Variants in EMCN observed in about 807,000 individuals in gnomAD.
EMCN encodes MUC-14.
In EMCN, 37 loss-of-function variants were observed where a neutral mutation model predicts 38.4. The ratio of observed to expected loss-of-function variants is 0.96; its 90% CI spans 0.74 to 1.27. The LOEUF is 1.27. Among genes scored for constraint, EMCN ranks in the 50% most tolerant of loss-of-function variants. The pLI, the probability that EMCN is intolerant of heterozygous loss-of-function variation, is 0.00. For missense variants in EMCN, 318 were observed against 302.8 expected, an observed-to-expected ratio of 1.05 and a Z score of -0.37; for synonymous variants, 95 against 100.8, an observed-to-expected ratio of 0.94 and a Z score of 0.35.
At chr4:100,474,005 T>C (rs72617736) in intron 3 of EMCN, 29,328 of 152,492 alleles carry the variant, frequency 0.19, 4,417 homozygotes, top group East Asian at 0.77. Context: ...GGTCACTGTT[T>C]GGTGGTCGGG....
chr4:100,422,099 A>C (rs918422044), intron 7 of EMCN, among the ~76,000 whole-genome samples: 1 of 152,144 alleles, frequency 6.6e-6, no homozygotes, highest in East Asian at 1.9e-4. Context: ...GCTGTCATAG[A>C]CACACAACTA....
chr4:100,483,848 T>C (rs1728875483), intron 1 of EMCN, among the ~76,000 whole-genome samples: 1 of 152,164 alleles, frequency 6.6e-6, no homozygotes, highest in Non-Finnish European at 1.5e-5. Context: ...GAATAGCTTA[T>C]TCTAAAGTAT....
intron 5 of EMCN, among the ~76,000 whole-genome samples, chr4:100,436,700 T>C (rs975362971): frequency 2.0e-5 from 3 of 152,192 alleles, no homozygotes; most frequent in Admixed American, 1.3e-4. Context: ...AATGAGATCA[T>C]GTCCTTTGTC....
At chr4:100,416,488 T>A (rs1726737996) in intron 9 of EMCN, among the ~76,000 whole-genome samples, 2 of 152,212 alleles carry the variant, frequency 1.3e-5, no homozygotes, top group Admixed American at 1.3e-4. Flanking sequence ...CAAACTCTAA[T>A]TATTTCCTTT....
chr4:100,397,513 T>G lies in EMCN; in HGVS notation c.*900A>C, dbSNP rs781163194. 9.9e-5 allele frequency: 15 copies of G among 152,180 alleles called. No homozygotes were observed. The highest frequency in any genetic ancestry group is 2.2e-4 in the Non-Finnish European group (15 of 68,032). The allele number at this position is 152,180 out of a possible 1,614,324, so 9.4% of individuals were successfully genotyped here. On this transcript the variant is annotated 3_prime_UTR_variant, in exon 12 of 12. Coordinates refer to ENST00000296420, the MANE Select transcript of EMCN (RefSeq NM_016242.4). Reference sequence around the variant, plus strand: ...TTACATTTCTAAAAGAAATAAAAAATGCATGGAGATAATATCAATCAAATG... The same window carrying G: ...TTACATTTCTAAAAGAAATAAAAAAGGCATGGAGATAATATCAATCAAATG...
chr4:100,413,187 T>C (rs1235119996), intron 10 of EMCN, among the ~76,000 whole-genome samples: 1 of 152,166 alleles, frequency 6.6e-6, no homozygotes, highest in Non-Finnish European at 1.5e-5. Context: ...ACATTGTATT[T>C]CTTAGGTCTT....
intron 1 of EMCN, among the ~76,000 whole-genome samples, chr4:100,509,018 G>A (rs1729556876): frequency 6.6e-6 from 1 of 152,124 alleles, no homozygotes; most frequent in Non-Finnish European, 1.5e-5. Context: ...ATCTAGGAAT[G>A]CCTTGGGTAT....
chr4:100,458,681 T>C (rs1728084652), intron 4 of EMCN, among the ~76,000 whole-genome samples: 1 of 152,302 alleles, frequency 6.6e-6, no homozygotes, highest in East Asian at 1.9e-4. Context: ...AACAAAGGCC[T>C]TAAAACAGCC....
intron 1 of EMCN, among the ~76,000 whole-genome samples, chr4:100,505,034 G>A (rs1343389133): frequency 6.6e-6 from 1 of 152,206 alleles, no homozygotes; most frequent in East Asian, 1.9e-4. Context: ...AATGGCATAA[G>A]CTGTCTCTCT....
Position 100,491,048 on chromosome 4 carries a change from T to G in EMCN, c.65-11009A>C, listed in dbSNP as rs191377753. Among the ~76,000 whole-genome samples the G allele has an allele frequency of 7.0e-4, 107 of 152,330 alleles. 3 individuals carry two copies. Among genetic ancestry groups the G allele is most frequent in the Admixed American group, 6.9e-3 (106 of 15,306 alleles). On this transcript the variant is annotated intron_variant, in intron 1 of 11. Transcript: ENST00000296420. ...TATAGAGTTGTTTGAGTTTCTTATATATTCTGGATACTCTTTTATGATAGC... is the reference window on the plus strand; with the variant it reads ...TATAGAGTTGTTTGAGTTTCTTATAGATTCTGGATACTCTTTTATGATAGC...
At chr4:100,447,972 T>C in intron 4 of EMCN, among the ~76,000 whole-genome samples, 1 of 152,000 alleles carries the variant, frequency 6.6e-6, no homozygotes, top group Non-Finnish European at 1.5e-5. Flanking sequence ...TCTTGCTTTA[T>C]AGGATCTGGT....
Position 100,415,897 on chromosome 4 carries a change from C to T in EMCN, c.751+1G>A, listed in dbSNP as rs916176217. The stretch of plus-strand genomic sequence containing the variant: ...TCTAATCAACTTGTCTGGAAACTTA[C>T]CAGACTCATGAGAAATTGTCTTAAC... On this transcript the variant is annotated splice_donor_variant, in intron 10 of 11. Coordinates refer to ENST00000296420, the MANE Select transcript of EMCN (RefSeq NM_016242.4). LOFTEE classifies it high-confidence loss of function. The T allele has an allele frequency of 5.7e-6, 9 of 1,580,048 alleles. No homozygotes were observed. The South Asian group carries it at 7.1e-5, about 12-fold the overall frequency.
intron 1 of EMCN, among the ~76,000 whole-genome samples, chr4:100,510,855 C>T (rs1210883041): frequency 6.6e-6 from 1 of 152,134 alleles, no homozygotes; most frequent in Non-Finnish European, 1.5e-5. Context: ...TCCTTCTTCT[C>T]CAAGTCCCAT....
chr4:100,428,404 C>T (rs756221901), intron 5 of EMCN, among the ~76,000 whole-genome samples: 1 of 152,154 alleles, frequency 6.6e-6, no homozygotes, highest in Non-Finnish European at 1.5e-5. Flanking sequence ...CTCTCCAGTG[C>T]TTGTGATCCC....
intron 5 of EMCN, among the ~76,000 whole-genome samples, chr4:100,428,739 T>C (rs1727120428): frequency 6.6e-6 from 1 of 152,178 alleles, no homozygotes; most frequent in Non-Finnish European, 1.5e-5. Context: ...AAAATCGTGA[T>C]ATTATTATTT....
chr4:100,407,614 T>C (rs1436959098), intron 11 of EMCN, among the ~76,000 whole-genome samples: 4 of 152,168 alleles, frequency 2.6e-5, no homozygotes, highest in Non-Finnish European at 5.9e-5. Flanking sequence ...TGTGGTTCCC[T>C]TTGTAGGTTG....
intron 3 of EMCN, among the ~76,000 whole-genome samples, chr4:100,474,378 GA>G (rs1271692472): frequency 3.3e-5 from 5 of 152,164 alleles, no homozygotes; most frequent in African/African-American, 4.8e-5. Context: ...AGAATATAGA[GA>G]TATTGGAACT....
At chr4:100,511,113 T>A (rs1378514005) in intron 1 of EMCN, among the ~76,000 whole-genome samples, 1 of 152,202 alleles carries the variant, frequency 6.6e-6, no homozygotes, top group Non-Finnish European at 1.5e-5. Context: ...CGGTAAGTCT[T>A]TATCCTTATT....
At chr4:100,420,824 T>A (rs1726866900) in intron 8 of EMCN, among the ~76,000 whole-genome samples, 1 of 152,006 alleles carries the variant, frequency 6.6e-6, no homozygotes, top group African/African-American at 2.4e-5. Flanking sequence ...AAATATAACA[T>A]GGTCTTGGAA....
Sources: allele counts gnomAD v4.1 joint callset (sites outside exome capture counted in the v4.1 genomes callset), GRCh38; gene constraint gnomAD v4.1.1; transcripts MANE v1.5; gene names NCBI Gene and HGNC (gene_info 2026-07-23, HGNC 2026-07-21).